PCDH7: variants seen among roughly 807,000 people sequenced by gnomAD.
The protein encoded by PCDH7 is protocadherin 7, also known as protocadherin-7.
A neutral mutation model predicts 58.9 loss-of-function variants in PCDH7; 17 were observed. The ratio of observed to expected loss-of-function variants is 0.29; its 90% CI spans 0.20 to 0.43. The LOEUF is 0.43. Ranked by LOEUF, PCDH7 falls within the 20% of genes least tolerant of loss-of-function variation. PCDH7 has a pLI of 1.00. For synonymous variants in PCDH7, 664 were observed against 616.4 expected (o/e 1.08, Z -1.14); for missense variants, 1,274 against 1,441.0 (o/e 0.88, Z 1.88).
At chr4:30,965,575 A>G (rs1476846650) in intron 3 of PCDH7, among the ~76,000 whole-genome samples, 2 of 152,142 alleles carry the variant, frequency 1.3e-5, no homozygotes, top group African/African-American at 4.8e-5. Context: ...GCAAAGCAAA[A>G]GATTTTAACA....
At chr4:30,768,592 G>A (rs1721030946) in intron 1 of PCDH7, among the ~76,000 whole-genome samples, 1 of 152,166 alleles carries the variant, frequency 6.6e-6, no homozygotes, top group Admixed American at 6.5e-5. Flanking sequence ...CTTAGTGAAA[G>A]TTTTAGAGCA....
chr4:31,050,620 TG>T (rs1756658587), intron 3 of PCDH7, among the ~76,000 whole-genome samples: 1 of 152,150 alleles, frequency 6.6e-6, no homozygotes, highest in African/African-American at 2.4e-5. Flanking sequence ...AAAGATTTTA[TG>T]GTAAGCATCT....
rs768271100 is a variant in PCDH7, at chr4:30,936,974, C to CAGACATACACACACACAG, written c.288-13132_288-13131insACAGAGACATACACACAC. Among the ~76,000 whole-genome samples, 499 of 152,082 alleles carry CAGACATACACACACACAG rather than the reference C, an allele frequency of 3.3e-3. 3 individuals are homozygous for CAGACATACACACACACAG. The highest frequency in any genetic ancestry group is 7.9e-3 in the Admixed American group (121 of 15,244). On this transcript the variant is annotated intron_variant, in intron 2 of 3. Coordinates refer to the PCDH7 transcript ENST00000509759. The stretch of plus-strand genomic sequence containing the variant: ...AGTTCATTCAGAACACACACACACA[C>CAGACATACACACACACAG]AGACATACACACACCTGCATTGTAT...
chr4:31,045,506 G>T (rs116645196), intron 3 of PCDH7, among the ~76,000 whole-genome samples: 2,090 of 152,098 alleles, frequency 0.014, 24 homozygotes, highest in Non-Finnish European at 0.024. Context: ...GCTGTCAGAA[G>T]TCATAACATG....
chr4:30,970,992 G>A (rs1749538708), intron 3 of PCDH7, among the ~76,000 whole-genome samples: 1 of 152,284 alleles, frequency 6.6e-6, no homozygotes, highest in South Asian at 2.1e-4. Flanking sequence ...TCTTAGGAAG[G>A]AATATTACGT....
chr4:30,833,602 T>A lies in PCDH7; in HGVS notation c.71-86551T>A, dbSNP rs559461933. Among the ~76,000 whole-genome samples the A allele has an allele frequency of 7.9e-5, 12 of 152,292 alleles. No individual in the cohort carries two copies. In the South Asian group the frequency reaches 1.9e-3, roughly 24 times the overall value. ...GCCACCACATAACATAGTATATTCA[T>A]AGGGTACATGGGTAAGGATGTGGGC... On this transcript the variant is annotated intron_variant, in intron 1 of 3. Transcript: ENST00000509759.
At chr4:30,900,211 G>T (rs1444092770) in intron 1 of PCDH7, among the ~76,000 whole-genome samples, 1 of 152,164 alleles carries the variant, frequency 6.6e-6, no homozygotes, top group East Asian at 1.9e-4. Flanking sequence ...AGTTTAGAGG[G>T]GTTGTCTTAT....
intron 2 of PCDH7, among the ~76,000 whole-genome samples, chr4:30,940,522 T>C (rs1197442487): frequency 6.6e-6 from 1 of 152,010 alleles, no homozygotes; most frequent in African/African-American, 2.4e-5. Context: ...TATGTATAAA[T>C]AGAGTACACT....
At chr4:30,856,688 T>C (rs879269652) in intron 1 of PCDH7, among the ~76,000 whole-genome samples, 1 of 100,344 alleles carries the variant, frequency 1.0e-5, no homozygotes, top group African/African-American at 4.3e-5. Context: ...ACTATACTGA[T>C]ATCAGAAAAA....
intron 1 of PCDH7, among the ~76,000 whole-genome samples, chr4:30,818,376 A>T (rs184004935): frequency 6.0e-4 from 91 of 152,290 alleles, no homozygotes; most frequent in Non-Finnish European, 1.2e-3. Context: ...ACTGTTTCTC[A>T]GCTTCCATAT....
At chr4:30,764,314 G>A (rs754150900) in intron 1 of PCDH7, among the ~76,000 whole-genome samples, 7 of 152,038 alleles carry the variant, frequency 4.6e-5, no homozygotes, top group African/African-American at 9.7e-5. Context: ...GGTGCAATGC[G>A]TTTAACCACA....
rs910061448 is a variant in PCDH7 at position 31,017,309 on chromosome 4, A to T, written c.*7+67094A>T. Among the ~76,000 whole-genome samples the T allele has an allele frequency of 2.9e-4, 44 of 152,248 alleles. 1 individual carries two copies. Among genetic ancestry groups the T allele is most frequent in the Admixed American group, 2.2e-3 (34 of 15,278 alleles). On this transcript the variant is annotated intron_variant, in intron 3 of 3. Coordinates refer to the PCDH7 transcript ENST00000509759. ...AAGTAATAGTTATTCTTATTTTTTT[A>T]AAAAATAATTTACATCCATTTGATG...
exon 2 of PCDH7, chr4:30,731,672 T>G (rs1463583512): frequency 2.6e-5 from 4 of 152,140 alleles, no homozygotes; most frequent in South Asian, 2.1e-4. Flanking sequence ...TCCTATTTGA[T>G]GTCAGATAAC....
At chr4:30,874,819 A>G (rs777280034) in intron 1 of PCDH7, among the ~76,000 whole-genome samples, 12 of 151,972 alleles carry the variant, frequency 7.9e-5, no homozygotes, top group Admixed American at 3.3e-4. Flanking sequence ...ACCATTACTT[A>G]ACTACCTCTG....
At chr4:30,734,107 G>A (rs1715905824), downstream of PCDH7, among the ~76,000 whole-genome samples, 1 of 151,586 alleles carries the variant, frequency 6.6e-6, no homozygotes, top group African/African-American at 2.4e-5. Flanking sequence ...AAGTCTTTTG[G>A]GAGCAATTCC....
chr4:30,918,614 T>C (rs55982008), intron 1 of PCDH7, among the ~76,000 whole-genome samples: 38,326 of 151,962 alleles, frequency 0.25, 5,053 homozygotes, highest in African/African-American at 0.33. Context: ...TTATAAATAC[T>C]GCAGTTCCAA....
At chr4:30,909,989 T>C (rs777334539) in intron 1 of PCDH7, among the ~76,000 whole-genome samples, 5 of 152,190 alleles carry the variant, frequency 3.3e-5, no homozygotes, top group Non-Finnish European at 7.4e-5. Flanking sequence ...TGTAGACCAA[T>C]GGAACAGAAT....
intron 2 of PCDH7, among the ~76,000 whole-genome samples, chr4:30,923,904 G>A (rs1349537817): frequency 2.0e-5 from 3 of 152,102 alleles, no homozygotes; most frequent in African/African-American, 7.2e-5. Flanking sequence ...GGGGGAAATA[G>A]GTAATACAAA....
chr4:30,997,805 A>G (rs1752035084), intron 3 of PCDH7, among the ~76,000 whole-genome samples: 1 of 152,214 alleles, frequency 6.6e-6, no homozygotes, highest in Non-Finnish European at 1.5e-5. Context: ...GGAAGTCATC[A>G]GGCCAAACAA....
Sources: gnomAD v4.1 joint callset for allele counts (sites outside exome capture counted in the v4.1 genomes callset) on GRCh38, gnomAD v4.1.1 for gene constraint, MANE v1.5 for transcripts, NCBI Gene and HGNC (gene_info 2026-07-23, HGNC 2026-07-21) for gene names.